PRKG1: variants seen among roughly 807,000 people sequenced by gnomAD.
The protein encoded by PRKG1 is protein kinase cGMP-dependent 1, also known as cGMP-dependent protein kinase 1.
Under a neutral mutation model 88.1 loss-of-function variants are expected in PRKG1, and 35 were observed. The ratio of observed to expected loss-of-function variants is 0.40; its 90% CI spans 0.30 to 0.53. PRKG1 has a LOEUF of 0.53. PRKG1 is among the 20% of genes least tolerant of loss of function. The probability of loss-of-function intolerance (pLI) is 0.59; values close to 1 mark genes in which losing one functional copy is unlikely to be tolerated. For synonymous variants in PRKG1, 303 were observed against 292.5 expected, an observed-to-expected ratio of 1.04 and a Z score of -0.37; for missense variants, 540 against 839.8, an observed-to-expected ratio of 0.64 and a Z score of 4.41.
intron 2 of PRKG1, among the ~76,000 whole-genome samples, chr10:51,198,750 T>G (rs140639771): frequency 2.1e-3 from 324 of 152,298 alleles, no homozygotes; most frequent in Middle Eastern, 0.01. Flanking sequence ...GACAAGACTA[T>G]CCGGGTAGAA....
intron 9 of PRKG1, among the ~76,000 whole-genome samples, chr10:52,240,141 C>T (rs1840821645): frequency 6.6e-6 from 1 of 152,280 alleles, no homozygotes; most frequent in Middle Eastern, 3.4e-3. Flanking sequence ...TGTAAGTATG[C>T]ACTGCATTAA....
At chr10:51,568,722 C>T (rs1269862229) in intron 3 of PRKG1, 1 of 151,148 alleles carries the variant, frequency 6.6e-6, no homozygotes, top group African/African-American at 2.5e-5. Flanking sequence ...ACTTCCAGAG[C>T]AGTATAAGAA....
intron 3 of PRKG1, among the ~76,000 whole-genome samples, chr10:51,479,915 T>C (rs1489303372): frequency 6.6e-6 from 1 of 152,136 alleles, no homozygotes; most frequent in Admixed American, 6.6e-5. Context: ...GTTTTAGGAC[T>C]TAGATGTTTC....
intron 4 of PRKG1, among the ~76,000 whole-genome samples, chr10:51,822,014 C>G (rs1345701858): frequency 6.6e-6 from 1 of 152,016 alleles, no homozygotes; most frequent in Admixed American, 6.6e-5. Context: ...ATATTTACTA[C>G]AGTGTATTCA....
At chr10:51,020,562 G>T (rs1266599886) in intron 1 of PRKG1, among the ~76,000 whole-genome samples, 5 of 152,158 alleles carry the variant, frequency 3.3e-5, no homozygotes, top group Non-Finnish European at 5.9e-5. Context: ...TTAAAAATAT[G>T]AAAATATACT....
intron 2 of PRKG1, among the ~76,000 whole-genome samples, chr10:51,280,446 A>C (rs1051897499): frequency 1.1e-4 from 16 of 152,138 alleles, no homozygotes; most frequent in African/African-American, 3.4e-4. Flanking sequence ...GTTCTCCTGG[A>C]TAATATCCTG....
chr10:51,130,380 G>A (rs1564612120), intron 1 of PRKG1, among the ~76,000 whole-genome samples: 2 of 151,986 alleles, frequency 1.3e-5, no homozygotes, highest in African/African-American at 4.8e-5. Flanking sequence ...TGTCTCTGTA[G>A]CCTACACAAT....
At chr10:51,016,669 C>CTTTTTTTTTTTTTTTTTTTT (rs1323068893) in intron 1 of PRKG1, among the ~76,000 whole-genome samples, 32 of 22,776 alleles carry the variant, frequency 1.4e-3, no homozygotes, top group Non-Finnish European at 2.1e-3. Flanking sequence ...TATTATTATC[C>CTTTTTTTTTTTTTTTTTTTT]TTTCTTTTTT....
intron 2 of PRKG1, among the ~76,000 whole-genome samples, chr10:51,236,579 T>C (rs1838995654): frequency 6.6e-6 from 1 of 151,960 alleles, no homozygotes; most frequent in Non-Finnish European, 1.5e-5. Context: ...CTTGGCTCAC[T>C]GCAACCTCTA....
intron 2 of PRKG1, among the ~76,000 whole-genome samples, chr10:51,191,652 C>T (rs1032094897): frequency 6.6e-6 from 1 of 151,640 alleles, no homozygotes; most frequent in Non-Finnish European, 1.5e-5. Flanking sequence ...ATCCTCATAC[C>T]AAACCTGGAT....
At chr10:51,475,886 C>G (rs1424667645) in intron 3 of PRKG1, among the ~76,000 whole-genome samples, 1 of 151,926 alleles carries the variant, frequency 6.6e-6, no homozygotes, top group East Asian at 1.9e-4. Flanking sequence ...TTTGTTGTTC[C>G]TTTTCCTGGT....
intron 9 of PRKG1, among the ~76,000 whole-genome samples, chr10:52,162,403 G>A (rs1838300045): frequency 6.6e-6 from 1 of 151,870 alleles, no homozygotes; most frequent in South Asian, 2.1e-4. Flanking sequence ...ATATGAGATG[G>A]TAAATATCCC....
At chr10:51,934,788 AC>A (rs1201201298) in intron 5 of PRKG1, among the ~76,000 whole-genome samples, 1 of 152,212 alleles carries the variant, frequency 6.6e-6, no homozygotes, top group Admixed American at 6.6e-5. Context: ...GTCTGCACAC[AC>A]AAAGGCAGAG....
chr10:51,747,844 A>G (rs1005485201), intron 3 of PRKG1, among the ~76,000 whole-genome samples: 1 of 152,098 alleles, frequency 6.6e-6, no homozygotes, highest in Admixed American at 6.6e-5. Flanking sequence ...ATCTTGGCTC[A>G]CTGCAACCTC....
At chr10:51,610,725 AATCAT>A (rs1181229859) in intron 3 of PRKG1, among the ~76,000 whole-genome samples, 1 of 152,168 alleles carries the variant, frequency 6.6e-6, no homozygotes, top group African/African-American at 2.4e-5. Flanking sequence ...AAAATGAATG[AATCAT>A]ATCTTTTGCA....
At chr10:52,132,775 T>A (rs1178198545) in intron 7 of PRKG1, among the ~76,000 whole-genome samples, 2 of 152,096 alleles carry the variant, frequency 1.3e-5, no homozygotes, top group Non-Finnish European at 2.9e-5. Context: ...TTTGTAATTT[T>A]TAAATTATTT....
intron 9 of PRKG1, among the ~76,000 whole-genome samples, chr10:52,222,813 T>C (rs575663810): frequency 8.7e-4 from 133 of 152,310 alleles, no homozygotes; most frequent in African/African-American, 3.0e-3. Context: ...GTGCTGTTGA[T>C]AGGAAAACAT....
intron 4 of PRKG1, among the ~76,000 whole-genome samples, chr10:51,888,651 G>T (rs1175241211): frequency 6.6e-6 from 1 of 152,182 alleles, no homozygotes; most frequent in East Asian, 1.9e-4. Flanking sequence ...TTTGGCAAAT[G>T]AACTCCAGGC....
chr10:51,478,260 C>T (rs1262716056), intron 3 of PRKG1, among the ~76,000 whole-genome samples: 1 of 152,044 alleles, frequency 6.6e-6, no homozygotes, highest in Non-Finnish European at 1.5e-5. Context: ...CTATTTCAGA[C>T]AAATGACAAA....
Sources: gnomAD v4.1 joint callset for allele counts (sites outside exome capture counted in the v4.1 genomes callset) on GRCh38, gnomAD v4.1.1 for gene constraint, MANE v1.5 for transcripts, NCBI Gene and HGNC (gene_info 2026-07-23, HGNC 2026-07-21) for gene names.